The following CIROZ variants were observed in gnomAD, a reference collection of about 807,000 sequenced individuals.
CIROZ encodes the protein ciliated left-right organizer ZP-N domains-containing protein.
the CIROZ span, chr1:10,966,528 G>A: frequency 6.8e-7 from 1 of 1,478,844 alleles, no homozygotes; most frequent in Non-Finnish European, 8.9e-7. Flanking sequence ...CTGTGGAGGT[G>A]GCTTCTCTGG....
the CIROZ span, among the ~76,000 whole-genome samples, chr1:10,978,580 T>C: frequency 6.6e-6 from 1 of 151,684 alleles, no homozygotes; most frequent in African/African-American, 2.4e-5. Context: ...TGTGGTGGCA[T>C]GCGCTTGTGG....
chr1:10,974,089 G>A, the CIROZ span, among the ~76,000 whole-genome samples: 8 of 152,216 alleles, frequency 5.3e-5, no homozygotes, highest in African/African-American at 1.9e-4. This position sits in a 1 kb window ranked among gnomAD's most constrained non-coding sequence, Gnocchi z 4.4. Flanking sequence ...GTGGGAGGCT[G>A]ATTGATTCCT....
the CIROZ span, among the ~76,000 whole-genome samples, chr1:10,976,944 G>T: frequency 6.6e-6 from 1 of 152,170 alleles, no homozygotes; most frequent in Non-Finnish European, 1.5e-5. Context: ...GATGGCTTGA[G>T]CCCAGGAGTT....
the CIROZ span, among the ~76,000 whole-genome samples, chr1:10,950,117 T>G: frequency 2.4e-3 from 322 of 133,276 alleles, no homozygotes; most frequent in Non-Finnish European, 3.4e-3. Context: ...CACTGCAACC[T>G]CCGCCTCCTG....
chr1:10,954,061 C>T, the CIROZ span: 271,648 of 1,612,500 alleles, frequency 0.17, 27,828 homozygotes, highest in South Asian at 0.38. Context: ...AGGACCGGGG[C>T]AGCCATCTCG....
At chr1:10,976,359 G>A in the CIROZ span, 5 of 788,754 alleles carry the variant, frequency 6.3e-6, no homozygotes, top group Non-Finnish European at 7.9e-6. Context: ...TTTCTGAGAC[G>A]GAGTCTCGCT....
the CIROZ span, among the ~76,000 whole-genome samples, chr1:10,979,013 T>C: frequency 6.6e-6 from 1 of 151,950 alleles, no homozygotes; most frequent in Non-Finnish European, 1.5e-5. Flanking sequence ...TTTTTGAGAC[T>C]GAGTATCTCA....
At chr1:10,957,075 T>C in the CIROZ span, 1 of 1,550,524 alleles carries the variant, frequency 6.4e-7, no homozygotes, top group Non-Finnish European at 8.7e-7. Flanking sequence ...TCACCAGCCA[T>C]AGTGGCAGGA....
the CIROZ span, among the ~76,000 whole-genome samples, chr1:10,951,745 A>AAAAAAATATAT: frequency 1.5e-4 from 18 of 119,182 alleles, no homozygotes; most frequent in South Asian, 5.1e-4. Flanking sequence ...AAAAAAAAAA[A>AAAAAAATATAT]ATATATATAT....
chr1:10,980,028 C>G, the CIROZ span, among the ~76,000 whole-genome samples: 1 of 152,114 alleles, frequency 6.6e-6, no homozygotes, highest in Non-Finnish European at 1.5e-5. Flanking sequence ...GCCTGGGCAA[C>G]AAGAGCAAAA....
chr1:10,948,918 T>C, the CIROZ span: 2 of 1,384,580 alleles, frequency 1.4e-6, no homozygotes, highest in Non-Finnish European at 1.9e-6. Flanking sequence ...GCCCTGAGAA[T>C]CTCAACCCAA....
chr1:10,957,157 A>G, the CIROZ span: 4 of 1,443,658 alleles, frequency 2.8e-6, no homozygotes, highest in Non-Finnish European at 3.7e-6. Context: ...TGCTCCTTCC[A>G]GATGCAGACT....
At chr1:10,965,624 C>T in the CIROZ span, among the ~76,000 whole-genome samples, 1 of 151,874 alleles carries the variant, frequency 6.6e-6, no homozygotes, top group African/African-American at 2.4e-5. Context: ...ACTCTGGGGG[C>T]CGAGGTGGGT....
chr1:10,980,178 C>T, the CIROZ span, among the ~76,000 whole-genome samples: 1 of 152,378 alleles, frequency 6.6e-6, no homozygotes, highest in African/African-American at 2.4e-5. Context: ...GCCAGGGCCT[C>T]AGGCCCAGCC....
chr1:10,957,192 A>G, the CIROZ span: 1 of 1,065,608 alleles, frequency 9.4e-7, no homozygotes. Flanking sequence ...CCCCTCTCCT[A>G]CCTTCGAATT....
At chr1:10,970,394 G>A in the CIROZ span, among the ~76,000 whole-genome samples, 4 of 152,244 alleles carry the variant, frequency 2.6e-5, no homozygotes, top group South Asian at 2.1e-4. Flanking sequence ...TTGGGAGACC[G>A]AGGCGGGTGG....
the CIROZ span, among the ~76,000 whole-genome samples, chr1:10,965,642 T>C: frequency 3.3e-5 from 5 of 151,914 alleles, no homozygotes; most frequent in African/African-American, 9.7e-5. Flanking sequence ...GGTGGATCAC[T>C]TGAGGTCAGA....
At chr1:10,957,930 G>A in the CIROZ span, among the ~76,000 whole-genome samples, 1 of 152,226 alleles carries the variant, frequency 6.6e-6, no homozygotes, top group Non-Finnish European at 1.5e-5. Flanking sequence ...CCAGACGCTA[G>A]CACGCTTATA....
chr1:10,952,394 T>C, the CIROZ span, among the ~76,000 whole-genome samples: 10 of 152,332 alleles, frequency 6.6e-5, no homozygotes, highest in Admixed American at 3.3e-4. Flanking sequence ...GATCTATTTT[T>C]ATACTGTACT....
Sources: gnomAD v4.1 joint callset for allele counts (sites outside exome capture counted in the v4.1 genomes callset) on GRCh38, gnomAD v4.1.1 for gene constraint, Gnocchi (gnomAD v3.1) non-coding constraint, MANE v1.5 for transcripts, NCBI Gene and HGNC (gene_info 2026-07-23, HGNC 2026-07-21) for gene names.